Variants in ZNF691 observed in about 807,000 individuals in gnomAD.
ZNF691 encodes zinc finger protein 691.
ZNF691 carries 11 observed loss-of-function variants against 24.1 expected under a neutral mutation model. The observed-to-expected ratio is 0.46, with a 90% confidence interval of 0.29 to 0.75. The LOEUF (loss-of-function observed/expected upper bound fraction) is 0.75, where lower values mean the gene tolerates loss of function less well. Among genes scored for constraint, ZNF691 ranks in the 30% least tolerant of loss-of-function variants. The pLI is 0.11. For synonymous variants in ZNF691, 149 were observed against 153.9 expected, an observed-to-expected ratio of 0.97 and a Z score of 0.23; for missense variants, 356 against 409.0, an observed-to-expected ratio of 0.87 and a Z score of 1.12.
chr1:42,847,752 T>G lies in ZNF691; in HGVS notation c.-218+1095T>G, dbSNP rs145597271. 9.1e-3 allele frequency among the ~76,000 whole-genome samples: 1,385 copies of G among 152,368 alleles called. 21 individuals carry two copies. Among genetic ancestry groups the G allele is most frequent in the African/African-American group, 0.032 (1,315 of 41,594 alleles). On this transcript the variant is annotated intron_variant, in intron 1 of 3. Transcript: ENST00000651192. ...AGTATAATGGTTAAAAGCACTGACT[T>G]TGAAGTGATGGGCATAGGCCCCAGT...
rs868546359 is a variant in ZNF691 at position 42,849,294 on chromosome 1, C to T, written c.-214C>T. The T allele has an allele frequency of 6.5e-6, 3 of 459,326 alleles. No homozygotes were observed. Among genetic ancestry groups the T allele is most frequent in the Non-Finnish European group, 1.3e-5 (3 of 234,460 alleles). 28.5% of individuals were successfully genotyped at this position (459,326 alleles called of 1,614,324 possible). ...CTTTTTCTTGTATTCTTCACAGGGC[C>T]TGGACGTAGTGTCTTCAACAGTTGT... On this transcript the variant is annotated 5_prime_UTR_variant, in exon 2 of 4. Transcript: ENST00000651192.
chr1:42,851,747 G>C lies in ZNF691; in HGVS notation c.882G>C (p.Arg294=), dbSNP rs1288760539. The C allele has an allele frequency of 6.2e-7, 1 of 1,614,242 alleles. No homozygotes were observed. The highest frequency in any genetic ancestry group is 1.3e-5 in the African/African-American group (1 of 75,064). The change falls in exon 4 of 4, where the codon CGG becomes CGC. Residue 294 remains arginine (R), a synonymous_variant. Coordinates refer to ENST00000651192, the MANE Select transcript of ZNF691 (RefSeq NM_001242739.2). This position sits in a 1 kb window ranked among gnomAD's most constrained non-coding sequence, Gnocchi z 4.7. ...CTGTGTGTGGGAAACACTTCTCCCG[G>C]AGCTCGAATCTCATCCGCCACCAGA... ...RCTVCGKHFS[R]SSNLIRHQKT... is the part of the protein sequence containing the mutation.
At chr1:42,847,058 GC>G (rs1304655664) in intron 1 of ZNF691, among the ~76,000 whole-genome samples, 2 of 151,672 alleles carry the variant, frequency 1.3e-5, no homozygotes, top group Non-Finnish European at 2.9e-5. Flanking sequence ...CAGCTCTTGG[GC>G]CCTGGCCTGT....
rs1469254294 is a variant in ZNF691, at chr1:42,851,531, G to T, written c.666G>T (p.Leu222=). The change falls in exon 4 of 4, where the codon CTG becomes CTT. Residue 222 remains leucine (L), a synonymous_variant. Transcript: ENST00000651192. The surrounding 1 kb of genome is among the most constrained non-coding windows in gnomAD (Gnocchi z 4.7). ...TAGCTGTGCATCACCGGACCCACCT[G>T]GAGCCAGCACCCTACATCTGCTGTG... ...ATLAVHHRTH[L]EPAPYICCEC... is the part of the protein sequence containing the mutation. 1.2e-6 allele frequency: 2 copies of T among 1,614,020 alleles called. No homozygotes were observed. The highest frequency in any genetic ancestry group is 1.3e-5 in the African/African-American group (1 of 74,924).
At chr1:42,850,847 G>T in intron 3 of ZNF691, 103 bp from the exon 4 acceptor site, 1 of 1,572,992 alleles carries the variant, frequency 6.4e-7, no homozygotes, top group Non-Finnish European at 8.6e-7. Context: ...CTAATGGATG[G>T]TCCCATGGGG....
Position 42,849,562 on chromosome 1 carries a change from C to T in ZNF691, c.-94-3C>T. 1 of 995,878 alleles carries T rather than the reference C, an allele frequency of 1.0e-6. No homozygotes were observed. Among genetic ancestry groups the T allele is most frequent in the Non-Finnish European group, 1.6e-6 (1 of 644,374 alleles). The allele number at this position is 995,878 out of a possible 1,614,324, so 61.7% of individuals were successfully genotyped here. A position where few individuals can be genotyped will look rare whatever the true frequency, so the allele number is the denominator to read the frequency against. ...TTCTTTATTCTGTGTTTCTTTTTTC[C>T]AGAAATACTTGCAGACTTGAAGGAA... On this transcript the variant is annotated splice_polypyrimidine_tract_variant and splice_region_variant and intron_variant, in intron 2 of 3. Coordinates refer to ENST00000651192, the MANE Select transcript of ZNF691 (RefSeq NM_001242739.2).
Position 42,851,050 on chromosome 1 carries a change from C to T in ZNF691, c.185C>T (p.Ser62Phe). ...TGGAGAGTGGATGACTCAGAGGGTT[C>T]TTGGATCCCACCTGGGGAGAAGGAG... Reference protein sequence around the residue: ...KPWRVDDSEGSWIPPGEKEHG... With the variant: ...KPWRVDDSEGFWIPPGEKEHG... The change falls in exon 4 of 4, where the codon TCT (serine) becomes TTT (phenylalanine). Residue 62 changes from serine to phenylalanine, a missense_variant. Physicochemically the swap from Ser to Phe is radical, Grantham distance 155. Transcript: ENST00000651192. The surrounding 1 kb of genome is among the most constrained non-coding windows in gnomAD (Gnocchi z 4.7). 1 of 1,590,406 alleles carries T rather than the reference C, an allele frequency of 6.3e-7. No homozygotes were observed. Among genetic ancestry groups the T allele is most frequent in the Non-Finnish European group, 8.6e-7 (1 of 1,168,990 alleles).
rs1557621697 is a variant in ZNF691 at position 42,851,093 on chromosome 1, G to A, written c.228G>A (p.Leu76=). Residue 76 remains leucine (L), a synonymous_variant, in exon 4 of 4, where the codon CTG becomes CTA. Coordinates refer to ENST00000651192, the MANE Select transcript of ZNF691 (RefSeq NM_001242739.2). This position sits in a 1 kb window ranked among gnomAD's most constrained non-coding sequence, Gnocchi z 4.7. The part of the protein sequence containing the change: ...PGEKEHGQES[L]SDELQETHPK... ...AGAAGGAGCATGGGCAAGAGAGCCT[G>A]TCGGATGAACTGCAAGAAACTCATC... The A allele has an allele frequency of 6.2e-7, 1 of 1,612,174 alleles. No individual in the cohort carries two copies. The highest frequency in any genetic ancestry group is 8.5e-7 in the Non-Finnish European group (1 of 1,178,868).
chr1:42,851,248 C>T lies in ZNF691; in HGVS notation c.383C>T (p.Ser128Phe). 2 of 1,613,596 alleles carry T rather than the reference C, an allele frequency of 1.2e-6. No individual in the cohort carries two copies. The highest frequency in any genetic ancestry group is 1.7e-6 in the Non-Finnish European group (2 of 1,179,862). The change falls in exon 4 of 4, where the codon TCC (serine) becomes TTC (phenylalanine). Residue 128 changes from serine (S) to phenylalanine (F), a missense_variant. Coordinates refer to ENST00000651192, the MANE Select transcript of ZNF691 (RefSeq NM_001242739.2). This position sits in a 1 kb window ranked among gnomAD's most constrained non-coding sequence, Gnocchi z 4.7. The part of the protein sequence containing the change: ...AQCGKTFNNT[S>F]NLRTHQRIHT... ...TGTGGCAAAACCTTCAATAATACCTCCAACCTGAGAACACACCAGCGGATC... is the reference window on the plus strand; with the variant it reads ...TGTGGCAAAACCTTCAATAATACCTTCAACCTGAGAACACACCAGCGGATC...
chr1:42,847,599 T>C (rs1341686965), intron 1 of ZNF691, among the ~76,000 whole-genome samples: 1 of 152,224 alleles, frequency 6.6e-6, no homozygotes, highest in Non-Finnish European at 1.5e-5. Context: ...TTAGGTCAAA[T>C]ACCTACTCCT....
At chr1:42,850,239 G>A (rs1655344673) in intron 3 of ZNF691, 1 of 172,090 alleles carries the variant, frequency 5.8e-6, no homozygotes, top group Non-Finnish European at 1.2e-5. Context: ...ATGCATGCGT[G>A]TGTGGGCGGG....
chr1:42,846,930 ATCAGCCCCT>A (rs1447497110), intron 1 of ZNF691, among the ~76,000 whole-genome samples: 2 of 151,920 alleles, frequency 1.3e-5, no homozygotes, highest in East Asian at 3.9e-4. Context: ...TACGTTTAGG[ATCAGCCCCT>A]CCTCCTCTCC....
At position 42,851,548 on chromosome 1, in the gene ZNF691, T is replaced by C; in HGVS notation, c.683T>C (p.Ile228Thr). Residue 228 changes from isoleucine to threonine, a missense_variant, in exon 4 of 4, where the codon ATC becomes ACC. Ile to Thr is a moderately conservative substitution (Grantham distance 89). Coordinates refer to ENST00000651192, the MANE Select transcript of ZNF691 (RefSeq NM_001242739.2). The surrounding 1 kb of genome is among the most constrained non-coding windows in gnomAD (Gnocchi z 4.7). Reference sequence around the variant, plus strand: ...ACCCACCTGGAGCCAGCACCCTACATCTGCTGTGAGTGTGGGAAGAGCTTC... The same window carrying C: ...ACCCACCTGGAGCCAGCACCCTACACCTGCTGTGAGTGTGGGAAGAGCTTC... ...HRTHLEPAPY[I>T]CCECGKSFSN... 6.2e-7 allele frequency: 1 copy of C among 1,614,174 alleles called. No individual in the cohort carries two copies. Among genetic ancestry groups the C allele is most frequent in the Non-Finnish European group, 8.5e-7 (1 of 1,180,020 alleles).
chr1:42,847,007 A>T (rs946212211), intron 1 of ZNF691, among the ~76,000 whole-genome samples: 2 of 151,258 alleles, frequency 1.3e-5, no homozygotes, highest in African/African-American at 2.4e-5. Flanking sequence ...GTACCCTTGG[A>T]CCTCCGCCAT....
rs772051948 is a variant in ZNF691 at position 42,851,062 on chromosome 1, C to A, written c.197C>A (p.Pro66His). The change falls in exon 4 of 4, where the codon CCT becomes CAT. Residue 66 changes from proline (P) to histidine (H), a missense_variant. Physicochemically the swap from Pro to His is moderately conservative, Grantham distance 77 (BLOSUM62 -2). Coordinates refer to ENST00000651192, the MANE Select transcript of ZNF691 (RefSeq NM_001242739.2). The surrounding 1 kb of genome is among the most constrained non-coding windows in gnomAD (Gnocchi z 4.7). The stretch of plus-strand genomic sequence containing the variant: ...GACTCAGAGGGTTCTTGGATCCCAC[C>A]TGGGGAGAAGGAGCATGGGCAAGAG... ...VDDSEGSWIP[P>H]GEKEHGQESL... 3.0e-5 allele frequency: 48 copies of A among 1,600,434 alleles called. No individual in the cohort carries two copies. The Admixed American group carries it at 5.6e-4, about 19-fold the overall frequency.
rs1204181726 is a variant in ZNF691, at chr1:42,851,820, G to A, written c.*7G>A. The A allele has an allele frequency of 1.2e-6, 2 of 1,613,956 alleles. No individual in the cohort carries two copies. Among genetic ancestry groups the A allele is most frequent in the African/African-American group, 1.3e-5 (1 of 74,928 alleles). ...TGGGAAAGATTCCAGCTGAAGGAGA[G>A]CCCCATTTAGAGTGAGGGAGAGAGA... is the stretch of plus-strand genomic sequence containing the variant. On this transcript the variant is annotated 3_prime_UTR_variant, in exon 4 of 4. Transcript: ENST00000651192. The surrounding 1 kb of genome is among the most constrained non-coding windows in gnomAD (Gnocchi z 4.7).
intron 1 of ZNF691, among the ~76,000 whole-genome samples, chr1:42,847,112 C>T (rs372516301): frequency 1.1e-4 from 16 of 152,212 alleles, no homozygotes; most frequent in African/African-American, 3.6e-4. Flanking sequence ...TGACCGTCTC[C>T]TGCGACCCTC....
chr1:42,850,723 C>T (rs946132862), intron 3 of ZNF691: 14 of 1,550,430 alleles, frequency 9.0e-6, no homozygotes, highest in African/African-American at 2.7e-5. Context: ...TGGACAAAGC[C>T]GGTGCCTTCT....
chr1:42,851,162 A>C lies in ZNF691; in HGVS notation c.297A>C (p.Leu99=). The C allele has an allele frequency of 6.2e-7, 1 of 1,614,238 alleles. No homozygotes were observed. The highest frequency in any genetic ancestry group is 1.1e-5 in the South Asian group (1 of 91,086). Residue 99 remains leucine, a synonymous_variant, in exon 4 of 4, where the codon CTA becomes CTC. Coordinates refer to ENST00000651192, the MANE Select transcript of ZNF691 (RefSeq NM_001242739.2). The surrounding 1 kb of genome is among the most constrained non-coding windows in gnomAD (Gnocchi z 4.7). ...WQKVTVRARE[L]GDPIAHPRHE... is the part of the protein sequence containing the mutation. ...AAGTCACTGTCCGGGCTCGAGAGCT[A>C]GGGGACCCCATTGCTCATCCAAGGC...
Sources: allele counts gnomAD v4.1 joint callset (sites outside exome capture counted in the v4.1 genomes callset), GRCh38; gene constraint gnomAD v4.1.1; non-coding constraint Gnocchi (gnomAD v3.1); transcripts MANE v1.5; gene names NCBI Gene and HGNC (gene_info 2026-07-23, HGNC 2026-07-21).